TLE4: variants seen among roughly 807,000 people sequenced by gnomAD.
The protein encoded by TLE4 is TLE family member 4, transcriptional corepressor.
In TLE4, 8 loss-of-function variants were observed where a neutral mutation model predicts 92.8. That is an observed-to-expected ratio of 0.09 (90% CI 0.05 to 0.16). The LOEUF (loss-of-function observed/expected upper bound fraction) is 0.16. TLE4 is among the 10% of genes least tolerant of loss of function. The pLI is 1.00. For missense variants in TLE4, 675 were observed against 997.6 expected (o/e 0.68, Z 4.36); for synonymous variants, 371 against 374.1 (o/e 0.99, Z 0.10).
intron 6 of TLE4, among the ~76,000 whole-genome samples, chr9:79,630,751 T>G (rs1177803665): frequency 6.6e-6 from 1 of 152,226 alleles, no homozygotes; most frequent in Non-Finnish European, 1.5e-5. Flanking sequence ...TTAAAATGCT[T>G]TTTAAATCTA....
intron 6 of TLE4, among the ~76,000 whole-genome samples, chr9:79,632,187 T>G (rs1283749948): frequency 6.6e-6 from 1 of 152,118 alleles, no homozygotes; most frequent in African/African-American, 2.4e-5. Flanking sequence ...GCCTGGAAAG[T>G]GCAGGAATTA....
intron 8 of TLE4, among the ~76,000 whole-genome samples, chr9:79,667,113 C>G (rs1424990518): frequency 1.3e-5 from 2 of 152,194 alleles, no homozygotes; most frequent in African/African-American, 4.8e-5. Flanking sequence ...TAGACACACT[C>G]AAACCAGCAG....
At position 79,572,672 on chromosome 9, in the gene TLE4, C is replaced by T. The variant is rs943296844; in HGVS notation, c.-119C>T. The stretch of plus-strand genomic sequence containing the variant: ...GAGACCCGGCGGGGGCCGGGACCGC[C>T]CGAGCCGCCCCTCAGACCGAGCCGG... On this transcript the variant is annotated 5_prime_UTR_variant, in exon 1 of 20. Transcript: ENST00000376552. 5.2e-6 allele frequency: 5 copies of T among 963,674 alleles called. No homozygotes were observed. In the African/African-American group the frequency reaches 8.7e-5, roughly 17 times the overall value. 59.7% of individuals were successfully genotyped at this position (963,674 alleles called of 1,614,324 possible).
intron 14 of TLE4, 57 bp downstream of exon 14, chr9:79,709,756 C>A (rs1405514962): frequency 6.7e-7 from 1 of 1,490,966 alleles, no homozygotes; most frequent in Non-Finnish European, 9.3e-7. Flanking sequence ...CCCTTGCTGG[C>A]CCCGTAGACT....
intron 6 of TLE4, among the ~76,000 whole-genome samples, chr9:79,643,924 G>A (rs1050604742): frequency 6.6e-6 from 1 of 151,900 alleles, no homozygotes; most frequent in African/African-American, 2.4e-5. Context: ...TCCTCTCCTC[G>A]CTCCCTCACT....
chr9:79,603,117 A>T (rs1587948939), intron 4 of TLE4, among the ~76,000 whole-genome samples: 1 of 152,270 alleles, frequency 6.6e-6, no homozygotes, highest in East Asian at 1.9e-4. Flanking sequence ...CTTGAGATGG[A>T]ATATACTTCT....
intron 8 of TLE4, among the ~76,000 whole-genome samples, chr9:79,667,332 C>T (rs1195941920): frequency 3.9e-5 from 6 of 152,146 alleles, no homozygotes; most frequent in Non-Finnish European, 8.8e-5. Context: ...ACGTCAGGGG[C>T]CCTTCTCCTT....
chr9:79,705,931 G>A lies in TLE4; in HGVS notation c.772G>A (p.Val258Ile), dbSNP rs771858534. ...AAGTGATGACAACTTGGTGGTTGAC[G>A]TTTCCAATGAGGTATGTTTGTGGCT... ...EKSDDNLVVD[V>I]SNEDPSSPRG... Residue 258 changes from valine (V) to isoleucine (I), a missense_variant, in exon 10 of 20, where the codon GTT becomes ATT. Val to Ile is a conservative substitution (Grantham distance 29, BLOSUM62 3). Transcript: ENST00000376552. 80 of 1,614,010 alleles carry A rather than the reference G, an allele frequency of 5.0e-5. No individual in the cohort carries two copies. In the East Asian group the frequency reaches 5.1e-4, roughly 10 times the overall value.
chr9:79,623,377 T>G (rs771407463), intron 5 of TLE4, among the ~76,000 whole-genome samples: 2 of 152,200 alleles, frequency 1.3e-5, no homozygotes, highest in Non-Finnish European at 2.9e-5. Context: ...TGTTAAGGTC[T>G]GCTTTTTAGC....
intron 10 of TLE4, 21 bp downstream of exon 10, chr9:79,705,963 A>AG: frequency 6.2e-7 from 1 of 1,611,826 alleles, no homozygotes; most frequent in Non-Finnish European, 8.5e-7. Context: ...GGCTACTTTA[A>AG]TTTTTTGCAC....
intron 15 of TLE4, among the ~76,000 whole-genome samples, chr9:79,719,264 T>C (rs2075159239): frequency 6.6e-6 from 1 of 152,056 alleles, no homozygotes; most frequent in African/African-American, 2.4e-5. Context: ...TAAGAGCCCA[T>C]ACAGTGACTA....
chr9:79,718,132 G>A, intron 14 of TLE4: 1 of 454,792 alleles, frequency 2.2e-6, no homozygotes. Flanking sequence ...GATTGACTAG[G>A]ATTTGTGATT....
At chr9:79,614,484 T>A (rs775355153) in intron 5 of TLE4, among the ~76,000 whole-genome samples, 20 of 152,116 alleles carry the variant, frequency 1.3e-4, no homozygotes, top group Non-Finnish European at 2.2e-4. Flanking sequence ...ATGGTAGTGG[T>A]GCTGAGCAAG....
chr9:79,712,945 ATTGAT>A (rs778608003), intron 14 of TLE4, among the ~76,000 whole-genome samples: 10 of 152,242 alleles, frequency 6.6e-5, no homozygotes, highest in Non-Finnish European at 1.3e-4. Context: ...ACTCTTTTGC[ATTGAT>A]TTATTTTTAT....
chr9:79,645,147 T>A (rs927752050), intron 6 of TLE4, among the ~76,000 whole-genome samples: 1 of 152,244 alleles, frequency 6.6e-6, no homozygotes, highest in Non-Finnish European at 1.5e-5. Context: ...ATTTGGCTCA[T>A]TGTCCTTTTG....
At chr9:79,647,750 T>C (rs985912700) in intron 6 of TLE4, among the ~76,000 whole-genome samples, 11 of 152,100 alleles carry the variant, frequency 7.2e-5, no homozygotes, top group Non-Finnish European at 1.5e-4. Flanking sequence ...CACAGACTTG[T>C]GCACACACAC....
chr9:79,674,680 A>G (rs943423012), intron 8 of TLE4, among the ~76,000 whole-genome samples: 1 of 152,154 alleles, frequency 6.6e-6, no homozygotes, highest in Non-Finnish European at 1.5e-5. Context: ...CTTAGAGTGT[A>G]AACTTGTCAC....
intron 5 of TLE4, among the ~76,000 whole-genome samples, chr9:79,622,283 A>G (rs1026944765): frequency 1.3e-5 from 2 of 152,088 alleles, no homozygotes. Flanking sequence ...TATCATACCC[A>G]AGAAGGCCCT....
At chr9:79,695,050 G>A (rs1246306698) in intron 8 of TLE4, among the ~76,000 whole-genome samples, 5 of 152,146 alleles carry the variant, frequency 3.3e-5, no homozygotes, top group South Asian at 2.1e-4. Context: ...GGGATAACCT[G>A]TTGAAAACTT....
Sources: allele counts gnomAD v4.1 joint callset (sites outside exome capture counted in the v4.1 genomes callset), GRCh38; gene constraint gnomAD v4.1.1; transcripts MANE v1.5; gene names NCBI Gene and HGNC (gene_info 2026-07-23, HGNC 2026-07-21).